Variants in NALF1 observed in about 807,000 individuals in gnomAD.
The protein encoded by NALF1 is NALCN channel auxiliary factor 1, also known as family with sequence similarity 155 member A.
NALF1 carries 3 observed loss-of-function variants against 48.4 expected under a neutral mutation model. That is an observed-to-expected ratio of 0.06 (90% CI 0.03 to 0.16). The LOEUF (loss-of-function observed/expected upper bound fraction) is 0.16. Ranked by LOEUF, NALF1 falls within the 10% of genes least tolerant of loss-of-function variation. NALF1 has a pLI of 1.00. For synonymous variants in NALF1, 262 were observed against 245.7 expected (o/e 1.07, Z -0.62); for missense variants, 526 against 571.5 (o/e 0.92, Z 0.81).
chr13:107,749,830 G>A (rs1165946014), intron 1 of NALF1, among the ~76,000 whole-genome samples: 2 of 151,790 alleles, frequency 1.3e-5, no homozygotes, highest in African/African-American at 4.8e-5. Context: ...TTGTTTGTTT[G>A]TTTGTTTGAG....
At chr13:107,408,998 T>G (rs977578538) in intron 1 of NALF1, among the ~76,000 whole-genome samples, 1 of 152,048 alleles carries the variant, frequency 6.6e-6, no homozygotes, top group Admixed American at 6.6e-5. Context: ...ATTTGAACAG[T>G]GTTACAAAGA....
chr13:107,558,215 A>G (rs1273415158), intron 1 of NALF1, among the ~76,000 whole-genome samples: 2 of 152,078 alleles, frequency 1.3e-5, no homozygotes, highest in Non-Finnish European at 2.9e-5. Flanking sequence ...TAAATCTGTG[A>G]ATATTCCTTG....
chr13:107,485,217 A>T (rs1885311110), intron 1 of NALF1, among the ~76,000 whole-genome samples: 1 of 152,162 alleles, frequency 6.6e-6, no homozygotes, highest in African/African-American at 2.4e-5. Flanking sequence ...AGATGAAGAC[A>T]GTGCCTTTCA....
At chr13:107,710,620 C>A (rs1347953976) in intron 1 of NALF1, among the ~76,000 whole-genome samples, 2 of 149,182 alleles carry the variant, frequency 1.3e-5, no homozygotes, top group African/African-American at 5.2e-5. Flanking sequence ...CTTTTAAACC[C>A]TCAGATCTCG....
At chr13:107,643,574 A>G (rs912620720) in intron 1 of NALF1, among the ~76,000 whole-genome samples, 6 of 151,942 alleles carry the variant, frequency 3.9e-5, no homozygotes, top group African/African-American at 1.4e-4. Context: ...GACAATTTAA[A>G]ATATGAAATC....
rs1053448432 is a variant in NALF1 at position 107,362,146 on chromosome 13, G to A, written c.916-151391C>T. The stretch of plus-strand genomic sequence containing the variant: ...GAAATTTGGGGGCTGGTTGTTACTC[G>A]AAAATAATCTACCCTTATTGACTGA... On this transcript the variant is annotated intron_variant, in intron 1 of 2. Transcript: ENST00000375915. The surrounding 1 kb of genome is among the most constrained non-coding windows in gnomAD (Gnocchi z 4.6). 1.3e-5 allele frequency among the ~76,000 whole-genome samples: 2 copies of A among 152,066 alleles called. No homozygotes were observed. Among genetic ancestry groups the A allele is most frequent in the Non-Finnish European group, 2.9e-5 (2 of 68,014 alleles).
chr13:107,769,313 G>A (rs2138568412), intron 1 of NALF1, among the ~76,000 whole-genome samples: 1 of 149,074 alleles, frequency 6.7e-6, no homozygotes, highest in African/African-American at 2.5e-5. Flanking sequence ...ATGATAGACT[G>A]GATTAAGAAA....
At chr13:107,235,528 A>C (rs576638400) in intron 1 of NALF1, among the ~76,000 whole-genome samples, 1 of 152,266 alleles carries the variant, frequency 6.6e-6, no homozygotes, top group African/African-American at 2.4e-5. Context: ...ATATACTTTA[A>C]ATCACCTCTG....
At chr13:107,697,245 A>C (rs962495022) in intron 1 of NALF1, among the ~76,000 whole-genome samples, 2 of 152,140 alleles carry the variant, frequency 1.3e-5, no homozygotes, top group African/African-American at 4.8e-5. Flanking sequence ...GCTATTCCAC[A>C]GGACACATAT....
At chr13:107,745,368 C>A (rs1876755103) in intron 1 of NALF1, among the ~76,000 whole-genome samples, 1 of 152,022 alleles carries the variant, frequency 6.6e-6, no homozygotes, top group Admixed American at 6.6e-5. Flanking sequence ...TATAGACACC[C>A]CCTAGCTGAG....
intron 1 of NALF1, among the ~76,000 whole-genome samples, chr13:107,355,108 C>G (rs1462403343): frequency 6.6e-6 from 1 of 152,150 alleles, no homozygotes; most frequent in Admixed American, 6.5e-5. Flanking sequence ...TGTGGGCAGC[C>G]CAGTCTTTGG....
intron 1 of NALF1, among the ~76,000 whole-genome samples, chr13:107,807,168 T>G (rs1184773581): frequency 6.6e-6 from 1 of 152,200 alleles, no homozygotes; most frequent in Non-Finnish European, 1.5e-5. Flanking sequence ...TAAATATGAT[T>G]ATATTGATAT....
chr13:107,346,143 G>A (rs1882767262), intron 1 of NALF1, among the ~76,000 whole-genome samples: 1 of 151,970 alleles, frequency 6.6e-6, no homozygotes, highest in Non-Finnish European at 1.5e-5. Context: ...GAGGAGAAAC[G>A]GGAAACATTG....
At position 107,814,788 on chromosome 13, in the gene NALF1, C is replaced by T. The variant is rs187236391; in HGVS notation, c.915+50894G>A. Among the ~76,000 whole-genome samples, 4 of 152,114 alleles carry T rather than the reference C, an allele frequency of 2.6e-5. No homozygotes were observed. In the East Asian group the frequency reaches 7.7e-4, roughly 29 times the overall value. On this transcript the variant is annotated intron_variant, in intron 1 of 2. Coordinates refer to ENST00000375915, the MANE Select transcript of NALF1 (RefSeq NM_001080396.3). Reference sequence around the variant, plus strand: ...TTGATAGAACTAAGCAGAAGATGAACAGGGAAATGGGGGACCTGAACAAAC... The same window carrying T: ...TTGATAGAACTAAGCAGAAGATGAATAGGGAAATGGGGGACCTGAACAAAC...
chr13:107,323,683 C>A (rs1226185884), intron 1 of NALF1, among the ~76,000 whole-genome samples: 2 of 152,126 alleles, frequency 1.3e-5, no homozygotes, highest in African/African-American at 2.4e-5. Context: ...CTACAGTCGA[C>A]CTGCAATAAA....
chr13:107,169,179 T>C lies in NALF1; in HGVS notation c.*1318A>G, dbSNP rs1280831513. The C allele has an allele frequency of 6.6e-6, 1 of 152,502 alleles. No homozygotes were observed. Among genetic ancestry groups the C allele is most frequent in the East Asian group, 1.9e-4 (1 of 5,190 alleles). 9.4% of individuals were successfully genotyped at this position (152,502 alleles called of 1,614,324 possible). On this transcript the variant is annotated 3_prime_UTR_variant, in exon 3 of 3. Transcript: ENST00000375915. ...AACTACCTAGAGCATGTTAGAGTGA[T>C]AAAGTTTTTGCACGTTAATAAAAAT...
intron 1 of NALF1, among the ~76,000 whole-genome samples, chr13:107,836,998 C>T (rs1879909804): frequency 6.6e-6 from 1 of 152,126 alleles, no homozygotes; most frequent in Admixed American, 6.6e-5. Context: ...CTCTTAATCA[C>T]AGTAAAGGGC....
chr13:107,786,777 TGACC>T (rs1878088033), intron 1 of NALF1, among the ~76,000 whole-genome samples: 2 of 152,264 alleles, frequency 1.3e-5, no homozygotes, highest in South Asian at 4.1e-4. Context: ...AATATATGCC[TGACC>T]TCAGGCTCTT....
chr13:107,491,675 C>G (rs530821811), intron 1 of NALF1, among the ~76,000 whole-genome samples: 1 of 152,136 alleles, frequency 6.6e-6, no homozygotes, highest in Non-Finnish European at 1.5e-5. Flanking sequence ...CTCTACCTTG[C>G]CCCATATTTA....
Sources: allele counts gnomAD v4.1 joint callset (sites outside exome capture counted in the v4.1 genomes callset), GRCh38; gene constraint gnomAD v4.1.1; non-coding constraint Gnocchi (gnomAD v3.1); transcripts MANE v1.5; gene names NCBI Gene and HGNC (gene_info 2026-07-23, HGNC 2026-07-21).